RIMS1: variants seen among roughly 807,000 people sequenced by gnomAD.
The protein encoded by RIMS1 is regulating synaptic membrane exocytosis protein 1.
In RIMS1, 83 loss-of-function variants were observed where a neutral mutation model predicts 214.1. That is an observed-to-expected ratio of 0.39 (90% confidence interval 0.32 to 0.47). RIMS1 has a LOEUF of 0.47. RIMS1 is among the 20% of genes least tolerant of loss of function. The pLI is 0.99. For missense variants in RIMS1, 2,050 were observed against 2,161.8 expected, an observed-to-expected ratio of 0.95 and a Z score of 1.03; for synonymous variants, 793 against 786.8, an observed-to-expected ratio of 1.01 and a Z score of -0.13.
In RIMS1 at chr6:72,153,097, C is replaced by G. The variant is rs897772809; in HGVS notation, c.472-26478C>G. Among the ~76,000 whole-genome samples the G allele has an allele frequency of 8.4e-5, 11 of 130,798 alleles. 1 individual carries two copies. Among genetic ancestry groups the G allele is most frequent in the Non-Finnish European group, 1.7e-4 (10 of 57,452 alleles). 85.8% of individuals were successfully genotyped at this position (130,798 alleles called of 152,430 possible). Reference sequence around the variant, plus strand: ...TATATATGGAATATATGTATATATTCCCTATGTATATATATGGAATATATG... The same window carrying G: ...TATATATGGAATATATGTATATATTGCCTATGTATATATATGGAATATATG... On this transcript the variant is annotated intron_variant, in intron 4 of 33. Transcript: ENST00000521978.
At chr6:71,922,532 C>T (rs533114151) in intron 1 of RIMS1, among the ~76,000 whole-genome samples, 61 of 152,286 alleles carry the variant, frequency 4.0e-4, no homozygotes, top group Middle Eastern at 3.4e-3. Context: ...AGAGCGAGAT[C>T]CTGTCTCAAA....
intron 1 of RIMS1, among the ~76,000 whole-genome samples, chr6:71,890,114 G>A (rs1030918302): frequency 7.9e-5 from 12 of 152,100 alleles, no homozygotes; most frequent in African/African-American, 2.4e-4. Context: ...AAGTTTCATC[G>A]GCCTTGATTG....
At chr6:72,000,978 T>C (rs1472650197) in intron 2 of RIMS1, among the ~76,000 whole-genome samples, 1 of 152,072 alleles carries the variant, frequency 6.6e-6, no homozygotes, top group Non-Finnish European at 1.5e-5. Context: ...CAACTAAATA[T>C]TGCTGTCTTT....
At chr6:71,913,545 A>C (rs949806947) in intron 1 of RIMS1, among the ~76,000 whole-genome samples, 2 of 152,128 alleles carry the variant, frequency 1.3e-5, no homozygotes, top group Non-Finnish European at 2.9e-5. Context: ...AACACCCTTA[A>C]ATAGAAAACA....
At chr6:72,368,151 C>T (rs1044074450) in intron 29 of RIMS1, among the ~76,000 whole-genome samples, 11 of 151,904 alleles carry the variant, frequency 7.2e-5, no homozygotes, top group African/African-American at 2.7e-4. Flanking sequence ...CATAAAATGT[C>T]CTCTTATTTC....
At chr6:72,353,625 G>A (rs1417316337) in intron 29 of RIMS1, among the ~76,000 whole-genome samples, 1 of 152,158 alleles carries the variant, frequency 6.6e-6, no homozygotes, top group African/African-American at 2.4e-5. Flanking sequence ...TGTTAGTCAT[G>A]GGGGGATTGG....
chr6:71,921,493 C>G (rs1317329567), intron 1 of RIMS1, among the ~76,000 whole-genome samples: 3 of 152,212 alleles, frequency 2.0e-5, no homozygotes, highest in African/African-American at 4.8e-5. Flanking sequence ...AAGTATTAAA[C>G]TTTACAGACA....
intron 1 of RIMS1, among the ~76,000 whole-genome samples, chr6:71,959,581 C>T (rs928734985): frequency 2.6e-5 from 4 of 151,906 alleles, no homozygotes; most frequent in African/African-American, 7.2e-5. Flanking sequence ...ATTTCCCCCT[C>T]TGCTACCAAA....
At chr6:72,381,292 G>A (rs1222171594) in intron 29 of RIMS1, among the ~76,000 whole-genome samples, 2 of 151,708 alleles carry the variant, frequency 1.3e-5, no homozygotes, top group African/African-American at 2.4e-5. Context: ...TAATGATCTC[G>A]TTCTAACTTA....
chr6:71,967,554 G>C (rs1428248395), intron 1 of RIMS1, among the ~76,000 whole-genome samples: 11 of 152,146 alleles, frequency 7.2e-5, no homozygotes. Context: ...CCTAGCAACT[G>C]CATTCCTGAA....
chr6:72,285,597 G>A (rs549978589), intron 24 of RIMS1, among the ~76,000 whole-genome samples: 17 of 152,212 alleles, frequency 1.1e-4, no homozygotes, highest in Middle Eastern at 3.4e-3. Flanking sequence ...AAGGATACAG[G>A]GGACTCATGA....
chr6:72,205,028 T>C (rs2052659958), intron 6 of RIMS1, among the ~76,000 whole-genome samples: 1 of 152,146 alleles, frequency 6.6e-6, no homozygotes, highest in Admixed American at 6.5e-5. Flanking sequence ...ATTTACTTTG[T>C]TTCTTGTGTA....
chr6:72,061,226 T>C (rs1827768394), intron 2 of RIMS1, among the ~76,000 whole-genome samples: 1 of 152,198 alleles, frequency 6.6e-6, no homozygotes, highest in Admixed American at 6.5e-5. Context: ...CTGCACTATA[T>C]CTTTGTTGAC....
At chr6:71,976,488 G>A (rs1391735584) in intron 2 of RIMS1, among the ~76,000 whole-genome samples, 1 of 152,074 alleles carries the variant, frequency 6.6e-6, no homozygotes, top group Non-Finnish European at 1.5e-5. Context: ...ACATGTAATG[G>A]ATAGAAGATC....
intron 2 of RIMS1, among the ~76,000 whole-genome samples, chr6:72,077,598 T>C (rs1832247629): frequency 6.6e-6 from 1 of 152,194 alleles, no homozygotes; most frequent in African/African-American, 2.4e-5. Context: ...CCTACCCTTT[T>C]CTGTAGAAAC....
At chr6:72,112,283 T>C (rs182518286) in intron 4 of RIMS1, among the ~76,000 whole-genome samples, 118 of 152,162 alleles carry the variant, frequency 7.8e-4, no homozygotes, top group African/African-American at 1.5e-3. Context: ...GTTTATTGCA[T>C]TGAACCCCTA....
At chr6:71,969,109 A>G (rs1361178482) in intron 2 of RIMS1, 46 bp downstream of exon 2, 5 of 1,551,494 alleles carry the variant, frequency 3.2e-6, no homozygotes, top group East Asian at 2.2e-5. Flanking sequence ...CGTCTCTTAC[A>G]CAGATCATGG....
At chr6:72,360,621 A>C (rs1006489751) in intron 29 of RIMS1, among the ~76,000 whole-genome samples, 2 of 151,416 alleles carry the variant, frequency 1.3e-5, no homozygotes, top group African/African-American at 2.4e-5. Flanking sequence ...TCTTAATAAA[A>C]GGGAAATACA....
chr6:72,055,982 A>G (rs1361585709), intron 2 of RIMS1, among the ~76,000 whole-genome samples: 1 of 152,146 alleles, frequency 6.6e-6, no homozygotes, highest in Non-Finnish European at 1.5e-5. Flanking sequence ...TCGCAGCAGT[A>G]TTCACGATAG....
Sources: allele counts gnomAD v4.1 joint callset (sites outside exome capture counted in the v4.1 genomes callset), GRCh38; gene constraint gnomAD v4.1.1; transcripts MANE v1.5; gene names NCBI Gene and HGNC (gene_info 2026-07-23, HGNC 2026-07-21).